Variants in TBC1D9 observed in about 807,000 individuals in gnomAD.
The protein encoded by TBC1D9 is TBC1 domain family member 9A.
In TBC1D9, 63 loss-of-function variants were observed where a neutral mutation model predicts 132.0. That is an observed-to-expected ratio of 0.48 (90% CI 0.39 to 0.59). The LOEUF (loss-of-function observed/expected upper bound fraction) is 0.59. Among genes scored for constraint, TBC1D9 ranks in the 20% least tolerant of loss-of-function variants. TBC1D9 has a pLI of 0.00. For missense variants in TBC1D9, 1,261 were observed against 1,592.7 expected (o/e 0.79, Z 3.54); for synonymous variants, 610 against 609.9 (o/e 1.00, Z 0.00).
intron 1 of TBC1D9, among the ~76,000 whole-genome samples, chr4:140,746,745 TG>T (rs1185898339): frequency 6.6e-6 from 1 of 152,110 alleles, no homozygotes; most frequent in Admixed American, 6.5e-5. Context: ...TGAAACGGTA[TG>T]GGGGAAACCG....
At chr4:140,644,889 C>T (rs76523522) in intron 13 of TBC1D9, 11 of 435,056 alleles carry the variant, frequency 2.5e-5, no homozygotes, top group Admixed American at 6.9e-5. Context: ...ACTGGTAGGG[C>T]GACAGCAGGG....
intron 1 of TBC1D9, among the ~76,000 whole-genome samples, chr4:140,746,910 T>C (rs963866141): frequency 2.0e-5 from 3 of 152,144 alleles, no homozygotes; most frequent in Admixed American, 1.3e-4. Flanking sequence ...CTCATGCCTA[T>C]AATCCTAGCA....
chr4:140,687,342 TCATATATATA>T (rs1737798470), intron 2 of TBC1D9, among the ~76,000 whole-genome samples: 1 of 54,526 alleles, frequency 1.8e-5, no homozygotes, highest in African/African-American at 7.2e-5. Context: ...TGTGTGTGTG[TCATATATATA>T]TATATATATA....
intron 2 of TBC1D9, among the ~76,000 whole-genome samples, chr4:140,692,607 A>G (rs1737893506): frequency 6.6e-6 from 1 of 152,228 alleles, no homozygotes; most frequent in South Asian, 2.1e-4. Context: ...ATGAAAATAT[A>G]CTTTTTCAAA....
intron 13 of TBC1D9, among the ~76,000 whole-genome samples, chr4:140,646,310 C>T (rs1349835116): frequency 6.6e-6 from 1 of 152,198 alleles, no homozygotes; most frequent in Non-Finnish European, 1.5e-5. Context: ...GTGCTCTTAG[C>T]TCCATCCCGG....
intron 13 of TBC1D9, among the ~76,000 whole-genome samples, chr4:140,654,536 A>C (rs889087482): frequency 6.6e-6 from 1 of 152,092 alleles, no homozygotes; most frequent in Non-Finnish European, 1.5e-5. Flanking sequence ...GAGAAACCCC[A>C]TTATATCCCA....
intron 15 of TBC1D9, among the ~76,000 whole-genome samples, chr4:140,635,481 T>TA (rs1027997399): frequency 3.9e-5 from 6 of 151,936 alleles, no homozygotes; most frequent in Non-Finnish European, 8.8e-5. Flanking sequence ...GACCCTGTCT[T>TA]AAAAAAATAA....
chr4:140,709,288 ACC>A (rs1738203110), intron 1 of TBC1D9, among the ~76,000 whole-genome samples: 24 of 136,234 alleles, frequency 1.8e-4, no homozygotes, highest in African/African-American at 6.1e-4. Context: ...ACACACACAC[ACC>A]CCAATTCATC....
intron 13 of TBC1D9, chr4:140,642,823 G>T: frequency 1.7e-6 from 1 of 602,974 alleles, no homozygotes; most frequent in Non-Finnish European, 2.9e-6. Context: ...CCCTCTTGCG[G>T]GCGGGCGACA....
At chr4:140,637,429 T>C (rs1007320520) in intron 15 of TBC1D9, among the ~76,000 whole-genome samples, 7 of 152,018 alleles carry the variant, frequency 4.6e-5, no homozygotes, top group African/African-American at 1.5e-4. Flanking sequence ...CTGGTCCTCC[T>C]TCTTTTGCTT....
At chr4:140,749,176 G>C (rs897369185) in intron 1 of TBC1D9, among the ~76,000 whole-genome samples, 2 of 151,750 alleles carry the variant, frequency 1.3e-5, no homozygotes, top group Non-Finnish European at 2.9e-5. Flanking sequence ...GACCAGCCTG[G>C]GCAACATAGT....
rs1560871965 is a variant in TBC1D9 at position 140,645,497 on chromosome 4, C to T, written c.2338-6069G>A. ...CTGCTATCATCTCCACTTTTAACTA[C>T]CCCTAAGCCACTATCCTCTCTTGCG... On this transcript the variant is annotated intron_variant, in intron 13 of 20. Transcript: ENST00000442267. The T allele has an allele frequency of 1.1e-5, 4 of 375,658 alleles. No homozygotes were observed. In the East Asian group the frequency reaches 2.9e-4, roughly 27 times the overall value. 23.3% of individuals were successfully genotyped at this position (375,658 alleles called of 1,614,324 possible).
intron 1 of TBC1D9, among the ~76,000 whole-genome samples, chr4:140,707,025 T>G (rs1437098222): frequency 6.6e-6 from 1 of 152,182 alleles, no homozygotes; most frequent in Non-Finnish European, 1.5e-5. Context: ...GGTAAGTTCA[T>G]TTCTAAACCT....
intron 2 of TBC1D9, among the ~76,000 whole-genome samples, chr4:140,692,825 G>A (rs1737896973): frequency 6.6e-6 from 1 of 152,088 alleles, no homozygotes; most frequent in Non-Finnish European, 1.5e-5. Flanking sequence ...TTCGAGACCA[G>A]CCTGGGCAAC....
At chr4:140,639,449 T>C in intron 13 of TBC1D9, 21 bp from the exon 14 acceptor site, 1 of 1,561,890 alleles carries the variant, frequency 6.4e-7, no homozygotes, top group South Asian at 1.1e-5. Context: ...GCAATATTGG[T>C]GTCTCTGAAA....
At chr4:140,722,025 C>G (rs1048032797) in intron 1 of TBC1D9, among the ~76,000 whole-genome samples, 2 of 152,140 alleles carry the variant, frequency 1.3e-5, no homozygotes, top group African/African-American at 2.4e-5. Flanking sequence ...CATCACCAGG[C>G]CAGGATTTAT....
At chr4:140,645,875 C>T (rs1370636893) in intron 13 of TBC1D9, among the ~76,000 whole-genome samples, 1 of 152,216 alleles carries the variant, frequency 6.6e-6, no homozygotes. Flanking sequence ...TGTATTCGGT[C>T]CTCCATGGCA....
At chr4:140,702,540 C>G (rs536329713) in intron 1 of TBC1D9, among the ~76,000 whole-genome samples, 2 of 152,292 alleles carry the variant, frequency 1.3e-5, no homozygotes, top group African/African-American at 4.8e-5. Context: ...AACGCACAAC[C>G]CTGTTTCTCA....
chr4:140,642,870 C>T (rs1459877598), intron 13 of TBC1D9: 4 of 573,342 alleles, frequency 7.0e-6, no homozygotes, highest in Admixed American at 3.2e-5. Flanking sequence ...CCACGGCCTG[C>T]GTGCCAAGCT....
Sources: gnomAD v4.1 joint callset for allele counts (sites outside exome capture counted in the v4.1 genomes callset) on GRCh38, gnomAD v4.1.1 for gene constraint, MANE v1.5 for transcripts, NCBI Gene and HGNC (gene_info 2026-07-23, HGNC 2026-07-21) for gene names.